ERBB4: variants seen among roughly 807,000 people sequenced by gnomAD.
ERBB4 encodes the protein receptor tyrosine-protein kinase erbB-4.
Under a neutral mutation model 158.0 loss-of-function variants are expected in ERBB4, and 42 were observed. That is an observed-to-expected ratio of 0.27 (90% CI 0.21 to 0.34). The LOEUF (loss-of-function observed/expected upper bound fraction) is 0.34, where lower values mean the gene tolerates loss of function less well. Among genes scored for constraint, ERBB4 ranks in the 10% least tolerant of loss-of-function variants. ERBB4 has a pLI of 1.00. For synonymous variants in ERBB4, 583 were observed against 558.7 expected (o/e 1.04, Z -0.61); for missense variants, 1,333 against 1,624.1 (o/e 0.82, Z 3.08).
chr2:212,217,330 A>G (rs1184200392), intron 1 of ERBB4, among the ~76,000 whole-genome samples: 3 of 151,376 alleles, frequency 2.0e-5, no homozygotes, highest in African/African-American at 7.2e-5. Flanking sequence ...GCTTCTTAAC[A>G]TCTTTGCAAG....
intron 19 of ERBB4, among the ~76,000 whole-genome samples, chr2:211,568,497 G>A (rs998229226): frequency 3.9e-5 from 6 of 152,042 alleles, no homozygotes; most frequent in South Asian, 2.1e-4. Flanking sequence ...ATTATTTAGC[G>A]GTTTCACAAA....
chr2:212,320,184 C>A (rs547162366), intron 1 of ERBB4, among the ~76,000 whole-genome samples: 20 of 146,856 alleles, frequency 1.4e-4, no homozygotes, highest in African/African-American at 3.0e-4. Flanking sequence ...ATCTACCAGG[C>A]CGATTACTGG....
chr2:212,345,126 C>T lies in ERBB4; in HGVS notation c.82+193323G>A, dbSNP rs2088922437. ...TAAAAATACAAAAAAATTAGCTGGG[C>T]GTGATGGCGGGCGCCTGTAATCCCA... On this transcript the variant is annotated intron_variant, in intron 1 of 27. Coordinates refer to ENST00000342788, the MANE Select transcript of ERBB4 (RefSeq NM_005235.3). Among the ~76,000 whole-genome samples the T allele has an allele frequency of 4.6e-5, 7 of 151,584 alleles. 1 individual carries two copies. In the South Asian group the frequency reaches 1.3e-3, roughly 27 times the overall value.
chr2:211,430,256 T>C (rs753141098), intron 21 of ERBB4, among the ~76,000 whole-genome samples: 1 of 152,234 alleles, frequency 6.6e-6, no homozygotes, highest in Non-Finnish European at 1.5e-5. Context: ...CTTATTTCAT[T>C]TGGGCTGCCT....
chr2:212,313,428 A>T (rs972128869), intron 1 of ERBB4, among the ~76,000 whole-genome samples: 10 of 150,902 alleles, frequency 6.6e-5, no homozygotes, highest in African/African-American at 2.4e-4. Flanking sequence ...ATCTCAGAAC[A>T]TGCCAAGTGT....
chr2:211,947,353 A>G (rs2080729784), intron 3 of ERBB4, 77 bp downstream of exon 3: 1 of 1,192,528 alleles, frequency 8.4e-7, no homozygotes, highest in African/African-American at 1.5e-5. Flanking sequence ...TGTAACAAAT[A>G]TGACAGTAAC....
intron 1 of ERBB4, among the ~76,000 whole-genome samples, chr2:212,455,584 A>G (rs1186000694): frequency 6.6e-6 from 1 of 152,076 alleles, no homozygotes; most frequent in Admixed American, 6.6e-5. Context: ...TTTGCTGTGT[A>G]CTCAGCTCCT....
At chr2:211,824,686 CAAT>C (rs1224857938) in intron 3 of ERBB4, among the ~76,000 whole-genome samples, 7 of 151,800 alleles carry the variant, frequency 4.6e-5, no homozygotes, top group African/African-American at 1.2e-4. Flanking sequence ...ATGAACTTGA[CAAT>C]GATGATTTGA....
At chr2:212,148,183 A>G (rs373201314) in intron 1 of ERBB4, among the ~76,000 whole-genome samples, 17 of 151,910 alleles carry the variant, frequency 1.1e-4, no homozygotes, top group Middle Eastern at 3.4e-3. Flanking sequence ...GTACAATGGC[A>G]TAATTGGTAC....
At chr2:211,894,782 T>C (rs2125015560) in intron 3 of ERBB4, among the ~76,000 whole-genome samples, 1 of 152,268 alleles carries the variant, frequency 6.6e-6, no homozygotes, top group East Asian at 1.9e-4. Context: ...TAAATGGTGC[T>C]TTAATTTTCA....
intron 1 of ERBB4, among the ~76,000 whole-genome samples, chr2:212,136,872 A>G (rs2080287685): frequency 6.6e-6 from 1 of 152,176 alleles, no homozygotes; most frequent in African/African-American, 2.4e-5. Flanking sequence ...TTTACATATA[A>G]AGCCTAATCC....
chr2:211,739,356 C>A (rs1165649699), intron 5 of ERBB4, among the ~76,000 whole-genome samples: 1 of 152,134 alleles, frequency 6.6e-6, no homozygotes, highest in Admixed American at 6.6e-5. Flanking sequence ...TAATCAATAC[C>A]ATTCTGAACC....
At chr2:212,015,277 A>C (rs926270261) in intron 2 of ERBB4, among the ~76,000 whole-genome samples, 3 of 151,208 alleles carry the variant, frequency 2.0e-5, no homozygotes, top group Non-Finnish European at 4.4e-5. Context: ...ATAAAATAAA[A>C]TAAAATAAAA....
Position 211,998,660 on chromosome 2 carries a change from T to C in ERBB4, c.235-51044A>G, listed in dbSNP as rs190288404. On this transcript the variant is annotated intron_variant, in intron 2 of 27. Transcript: ENST00000342788. ...TCTTGCTCAAGGTATGAAATGATAA[T>C]AGTTCTTTAAGGTGAGATCTCTGCA... Among the ~76,000 whole-genome samples the C allele has an allele frequency of 2.3e-3, 349 of 151,956 alleles. 3 individuals are homozygous for C. Among genetic ancestry groups the C allele is most frequent in the Non-Finnish European group, 2.4e-3 (165 of 67,832 alleles).
At chr2:211,537,588 T>C (rs1463307219) in intron 20 of ERBB4, among the ~76,000 whole-genome samples, 1 of 151,970 alleles carries the variant, frequency 6.6e-6, no homozygotes, top group African/African-American at 2.4e-5. Context: ...CACACTTCTA[T>C]TCAGGAAAAC....
chr2:212,119,483 T>C (rs2079677724), intron 2 of ERBB4, among the ~76,000 whole-genome samples: 1 of 152,176 alleles, frequency 6.6e-6, no homozygotes. Context: ...GTAAAAGGTC[T>C]AATAGTTCAT....
intron 1 of ERBB4, among the ~76,000 whole-genome samples, chr2:212,224,685 G>A (rs1233987664): frequency 6.6e-6 from 1 of 151,892 alleles, no homozygotes; most frequent in Non-Finnish European, 1.5e-5. Context: ...ACATCATGGT[G>A]GCAGCCAACA....
At chr2:212,296,761 T>C (rs1175765073) in intron 1 of ERBB4, among the ~76,000 whole-genome samples, 1 of 151,988 alleles carries the variant, frequency 6.6e-6, no homozygotes, top group African/African-American at 2.4e-5. Context: ...AGGTGTTCAC[T>C]AAGGCTTGGA....
chr2:212,435,192 G>T (rs1008174297), intron 1 of ERBB4, among the ~76,000 whole-genome samples: 1 of 151,910 alleles, frequency 6.6e-6, no homozygotes, highest in Non-Finnish European at 1.5e-5. Context: ...TATTCCTTCT[G>T]GTGCCCTCCT....
Sources: allele counts gnomAD v4.1 joint callset (sites outside exome capture counted in the v4.1 genomes callset), GRCh38; gene constraint gnomAD v4.1.1; transcripts MANE v1.5; gene names NCBI Gene and HGNC (gene_info 2026-07-23, HGNC 2026-07-21).